PIK3C2G: variants seen among roughly 807,000 people sequenced by gnomAD.
The protein encoded by PIK3C2G is phosphatidylinositol-4-phosphate 3-kinase catalytic subunit type 2 gamma, also known as phosphatidylinositol 3-kinase C2 domain-containing subunit gamma.
A neutral mutation model predicts 181.1 loss-of-function variants in PIK3C2G; 168 were observed. The ratio of observed to expected loss-of-function variants is 0.93; its 90% confidence interval spans 0.82 to 1.05. The LOEUF is 1.05. PIK3C2G is among the 50% of genes least tolerant of loss of function. The probability of loss-of-function intolerance (pLI) is 0.00; values close to 1 mark genes in which losing one functional copy is unlikely to be tolerated. For missense variants in PIK3C2G, 1,869 were observed against 1,732.8 expected (o/e 1.08, Z -1.40); for synonymous variants, 573 against 592.2 (o/e 0.97, Z 0.47).
the PIK3C2G span, among the ~76,000 whole-genome samples, chr12:18,718,487 C>T: frequency 1.3e-5 from 2 of 152,118 alleles, no homozygotes; most frequent in African/African-American, 4.8e-5. Flanking sequence ...CCTCCTCAAA[C>T]TCACCTCCCT....
chr12:18,596,161 T>C (rs1160774115), intron 30 of PIK3C2G, among the ~76,000 whole-genome samples: 1 of 152,064 alleles, frequency 6.6e-6, no homozygotes, highest in Non-Finnish European at 1.5e-5. Flanking sequence ...ATGGCATTTG[T>C]AAAATAATTT....
chr12:18,310,353 C>T (rs1341493373), intron 5 of PIK3C2G, among the ~76,000 whole-genome samples: 1 of 151,812 alleles, frequency 6.6e-6, no homozygotes, highest in Non-Finnish European at 1.5e-5. Context: ...TGAGAGGCTA[C>T]GTAGTTACGT....
Position 18,348,329 on chromosome 12 carries a change from CGT to C in PIK3C2G, c.1625+1511_1625+1512del, listed in dbSNP as rs374919705. 8.5e-3 allele frequency among the ~76,000 whole-genome samples: 1,259 copies of C among 148,558 alleles called. 10 individuals are homozygous for C. The highest frequency in any genetic ancestry group is 0.018 in the African/African-American group (729 of 40,596). On this transcript the variant is annotated intron_variant, in intron 11 of 32. Coordinates refer to ENST00000538779, the MANE Select transcript of PIK3C2G (RefSeq NM_001288772.2). ...GAATATAAAAAAGTGTGCATTTACGCGTGTGTGTGTGTGTGTGTGCGTATGAA... is the reference window on the plus strand; with the variant it reads ...GAATATAAAAAAGTGTGCATTTACGCGTGTGTGTGTGTGTGTGCGTATGAA...
chr12:18,310,885 G>C (rs144340985), intron 5 of PIK3C2G, among the ~76,000 whole-genome samples: 1 of 151,856 alleles, frequency 6.6e-6, no homozygotes, highest in Non-Finnish European at 1.5e-5. Flanking sequence ...GAATTAAAAG[G>C]AATTTATAGG....
At chr12:18,566,410 C>A (rs1272575617) in intron 28 of PIK3C2G, among the ~76,000 whole-genome samples, 29 of 152,148 alleles carry the variant, frequency 1.9e-4, no homozygotes, top group Admixed American at 1.9e-3. Context: ...TTAATGAAGT[C>A]CAACCCATCA....
intron 25 of PIK3C2G, among the ~76,000 whole-genome samples, chr12:18,540,424 CTG>C (rs2136247455): frequency 6.6e-6 from 1 of 151,928 alleles, no homozygotes; most frequent in South Asian, 2.1e-4. Context: ...CTGATGAAAA[CTG>C]AGCATGTTAA....
At chr12:18,491,031 T>C (rs189760182) in intron 19 of PIK3C2G, among the ~76,000 whole-genome samples, 6 of 152,332 alleles carry the variant, frequency 3.9e-5, no homozygotes, top group Admixed American at 2.0e-4. Flanking sequence ...AAATGCACTA[T>C]ACTATTGAGT....
chr12:18,489,775 G>C (rs1247106052), intron 19 of PIK3C2G, among the ~76,000 whole-genome samples: 3 of 152,142 alleles, frequency 2.0e-5, no homozygotes, highest in Non-Finnish European at 4.4e-5. Context: ...ACAGAAGTTT[G>C]TGTGACGGTT....
intron 16 of PIK3C2G, among the ~76,000 whole-genome samples, chr12:18,413,130 A>T (rs1477321422): frequency 2.0e-5 from 3 of 152,062 alleles, no homozygotes; most frequent in African/African-American, 7.2e-5. Flanking sequence ...CAGTGTCTTC[A>T]TTGGACAATG....
intron 30 of PIK3C2G, among the ~76,000 whole-genome samples, chr12:18,607,720 G>A (rs1300553902): frequency 1.3e-5 from 2 of 152,090 alleles, no homozygotes; most frequent in Admixed American, 6.6e-5. Context: ...AAACTAAAGA[G>A]CTTCTGCACA....
intron 14 of PIK3C2G, among the ~76,000 whole-genome samples, chr12:18,385,344 T>C (rs1943096682): frequency 6.6e-6 from 1 of 152,168 alleles, no homozygotes; most frequent in Admixed American, 6.5e-5. Context: ...TATGGTTGAT[T>C]GATGTGCCGA....
At chr12:18,441,014 TA>T (rs1468668885) in intron 18 of PIK3C2G, among the ~76,000 whole-genome samples, 1 of 152,106 alleles carries the variant, frequency 6.6e-6, no homozygotes, top group African/African-American at 2.4e-5. Flanking sequence ...TATTTAGTGG[TA>T]ACGCCAACAT....
chr12:18,707,507 T>G, the PIK3C2G span, among the ~76,000 whole-genome samples: 2 of 152,132 alleles, frequency 1.3e-5, no homozygotes, highest in Non-Finnish European at 2.9e-5. Context: ...AGGAGTTTGC[T>G]CTCTTGAAAG....
chr12:18,509,958 T>C (rs531052104), intron 24 of PIK3C2G, among the ~76,000 whole-genome samples: 1 of 152,266 alleles, frequency 6.6e-6, no homozygotes, highest in East Asian at 1.9e-4. Flanking sequence ...TCTTTTGAAC[T>C]ATTGCCTAAT....
At chr12:18,264,556 G>A (rs189787882) in intron 1 of PIK3C2G, among the ~76,000 whole-genome samples, 37 of 151,854 alleles carry the variant, frequency 2.4e-4, no homozygotes, top group East Asian at 7.7e-4. Flanking sequence ...TCCACCTCCC[G>A]CTGAGATCAC....
At chr12:18,584,263 C>T (rs1351228185) in intron 29 of PIK3C2G, among the ~76,000 whole-genome samples, 12 of 151,904 alleles carry the variant, frequency 7.9e-5, no homozygotes, top group African/African-American at 1.5e-4. Flanking sequence ...TCTCATGATC[C>T]GCCTGCCTTG....
At chr12:18,695,050 G>T in the PIK3C2G span, 1 of 1,613,050 alleles carries the variant, frequency 6.2e-7, no homozygotes, top group South Asian at 1.1e-5. Context: ...AGATCCATGG[G>T]CAGACCAGGG....
intron 17 of PIK3C2G, among the ~76,000 whole-genome samples, chr12:18,423,644 C>T (rs1945615574): frequency 6.6e-6 from 1 of 152,078 alleles, no homozygotes; most frequent in Admixed American, 6.6e-5. Context: ...ATTTAATAAT[C>T]CAGGACTTTT....
intron 18 of PIK3C2G, among the ~76,000 whole-genome samples, chr12:18,443,081 G>T (rs1946836475): frequency 1.3e-5 from 2 of 151,940 alleles, no homozygotes; most frequent in South Asian, 2.1e-4. Context: ...ATTTTGGCCA[G>T]TTTGGTCTCG....
Sources: allele counts gnomAD v4.1 joint callset (sites outside exome capture counted in the v4.1 genomes callset), GRCh38; gene constraint gnomAD v4.1.1; transcripts MANE v1.5; gene names NCBI Gene and HGNC (gene_info 2026-07-23, HGNC 2026-07-21).